EFCAB8: variants seen among roughly 807,000 people sequenced by gnomAD.
EFCAB8 encodes the protein EF-hand calcium binding domain 8.
EFCAB8 carries 100 observed loss-of-function variants against 116.3 expected under a neutral mutation model. The ratio of observed to expected loss-of-function variants is 0.86; its 90% CI spans 0.73 to 1.02. The LOEUF is 1.02. Ranked by LOEUF, EFCAB8 falls within the 50% of genes least tolerant of loss-of-function variation. The pLI, the probability that EFCAB8 is intolerant of heterozygous loss-of-function variation, is 0.00. For synonymous variants in EFCAB8, 558 were observed against 567.9 expected (o/e 0.98, Z 0.25); for missense variants, 1,320 against 1,416.9 (o/e 0.93, Z 1.10).
In EFCAB8 at chr20:32,861,127, A is replaced by C. The variant is rs1984093256; in HGVS notation, c.-11+2121A>C. On this transcript the variant is annotated intron_variant, in intron 1 of 26. Coordinates refer to ENST00000400522, the MANE Select transcript of EFCAB8 (RefSeq NM_001143967.2). ...CCTTCTGATGTTTGGGTGACGTCCT[A>C]GGTGCAGATGCACTGATTTGTTCAT... Among the ~76,000 whole-genome samples the C allele has an allele frequency of 3.3e-5, 5 of 152,268 alleles. No homozygotes were observed. The South Asian group carries it at 1.0e-3, about 32-fold the overall frequency.
chr20:32,925,153 C>CTG (rs1987622257), intron 20 of EFCAB8, among the ~76,000 whole-genome samples: 1 of 152,156 alleles, frequency 6.6e-6, no homozygotes, highest in Non-Finnish European at 1.5e-5. Context: ...AGAAAGAGCA[C>CTG]TAGGAAGGAG....
At chr20:32,908,888 G>A (rs1370648927) in intron 14 of EFCAB8, among the ~76,000 whole-genome samples, 1 of 152,202 alleles carries the variant, frequency 6.6e-6, no homozygotes, top group Non-Finnish European at 1.5e-5. Context: ...CAGATAGGAA[G>A]GCCATCTGTG....
chr20:32,862,379 C>T lies in EFCAB8; in HGVS notation c.-10-1404C>T, dbSNP rs111962057. 3.0e-4 allele frequency among the ~76,000 whole-genome samples: 46 copies of T among 152,034 alleles called. 1 individual carries two copies. The highest frequency in any genetic ancestry group is 3.4e-3 in the Middle Eastern group (1 of 292). On this transcript the variant is annotated intron_variant, in intron 1 of 26. Transcript: ENST00000400522. ...CTGGATGCAAGCGATCCTCCCGCCT[C>T]GGCCTATTTTTTATTCCTAATTGGA...
chr20:32,924,273 A>G (rs1056729032), intron 20 of EFCAB8, among the ~76,000 whole-genome samples: 1 of 152,188 alleles, frequency 6.6e-6, no homozygotes, highest in African/African-American at 2.4e-5. Context: ...TATGTTGCCC[A>G]GGCTAGTCTT....
chr20:32,902,653 A>G (rs890728457), intron 11 of EFCAB8, among the ~76,000 whole-genome samples: 3 of 152,192 alleles, frequency 2.0e-5, no homozygotes, highest in African/African-American at 7.2e-5. Flanking sequence ...AGTGCAATGT[A>G]CAGGCCGGCA....
At chr20:32,949,985 G>A (rs1181405449) in intron 23 of EFCAB8, among the ~76,000 whole-genome samples, 1 of 141,110 alleles carries the variant, frequency 7.1e-6, no homozygotes, top group Admixed American at 7.2e-5. Context: ...GGGCAACAGA[G>A]CAAGACTCTG....
intron 22 of EFCAB8, among the ~76,000 whole-genome samples, chr20:32,935,426 C>T (rs984276728): frequency 6.6e-6 from 1 of 151,942 alleles, no homozygotes; most frequent in South Asian, 2.1e-4. Flanking sequence ...TCCCGAACTC[C>T]TGACCTCAAG....
intron 15 of EFCAB8, 127 bp from the exon 16 acceptor site, chr20:32,911,353 T>C (rs1986908252): frequency 1.3e-6 from 1 of 778,504 alleles, no homozygotes; most frequent in Non-Finnish European, 1.9e-6. Flanking sequence ...GCTTATGCTG[T>C]AGCAGGGGGC....
intron 20 of EFCAB8, among the ~76,000 whole-genome samples, chr20:32,928,636 T>C (rs1423609808): frequency 6.6e-6 from 1 of 152,234 alleles, no homozygotes; most frequent in Non-Finnish European, 1.5e-5. Context: ...GTTTTCTACA[T>C]ATAAGATAAT....
chr20:32,899,034 T>C (rs1223280925), intron 11 of EFCAB8, among the ~76,000 whole-genome samples: 1 of 152,220 alleles, frequency 6.6e-6, no homozygotes, highest in East Asian at 1.9e-4. Flanking sequence ...GGTTCCAATC[T>C]GTTTCCTTCA....
At chr20:32,905,992 A>C (rs545879000) in intron 11 of EFCAB8, among the ~76,000 whole-genome samples, 1 of 152,072 alleles carries the variant, frequency 6.6e-6, no homozygotes, top group East Asian at 1.9e-4. Flanking sequence ...AAGCTCCTTG[A>C]CTTTTCCTTT....
Position 32,874,164 on chromosome 20 carries a change from G to GA in EFCAB8, c.209-1762_209-1761insA, listed in dbSNP as rs1171723423. ...TCAAACTCCTGGGCTCAAGCCTTCTGCCCACCTCAGCCTCCCAAAGTACTG... is the reference window on the plus strand; with the variant it reads ...TCAAACTCCTGGGCTCAAGCCTTCTGACCCACCTCAGCCTCCCAAAGTACTG... On this transcript the variant is annotated intron_variant, in intron 3 of 26. Coordinates refer to ENST00000400522, the MANE Select transcript of EFCAB8 (RefSeq NM_001143967.2). Among the ~76,000 whole-genome samples the GA allele has an allele frequency of 2.4e-3, 370 of 151,426 alleles. 2 individuals carry two copies. The highest frequency in any genetic ancestry group is 8.6e-3 in the African/African-American group (355 of 41,080).
intron 20 of EFCAB8, among the ~76,000 whole-genome samples, chr20:32,921,387 GTGTGTT>G (rs1428021342): frequency 1.4e-5 from 2 of 146,956 alleles, no homozygotes; most frequent in African/African-American, 4.9e-5. Flanking sequence ...GTGTGTGTGT[GTGTGTT>G]TTTGTAGAGA....
intron 18 of EFCAB8, among the ~76,000 whole-genome samples, chr20:32,918,094 A>T (rs1431407199): frequency 6.6e-6 from 1 of 152,198 alleles, no homozygotes; most frequent in Non-Finnish European, 1.5e-5. Context: ...TAGCCTCAAA[A>T]ATATTTGGAA....
chr20:32,902,746 T>C (rs878988717), intron 11 of EFCAB8, among the ~76,000 whole-genome samples: 1 of 152,198 alleles, frequency 6.6e-6, no homozygotes, highest in African/African-American at 2.4e-5. Context: ...GGCCTGGCAT[T>C]GGCACCCCAA....
intron 11 of EFCAB8, among the ~76,000 whole-genome samples, chr20:32,901,774 A>G (rs922251386): frequency 2.6e-5 from 4 of 151,956 alleles, no homozygotes; most frequent in African/African-American, 2.4e-5. Flanking sequence ...TGCAACCTCC[A>G]CCTCCCGGGT....
At chr20:32,878,651 G>A (rs958006361) in intron 4 of EFCAB8, 53 bp from the exon 5 acceptor site, 2 of 1,432,780 alleles carry the variant, frequency 1.4e-6, no homozygotes, top group African/African-American at 2.8e-5. Context: ...GAAACTGAAG[G>A]CTGAGACCAT....
intron 20 of EFCAB8, among the ~76,000 whole-genome samples, chr20:32,928,916 A>G (rs566130182): frequency 6.6e-6 from 1 of 151,024 alleles, no homozygotes; most frequent in African/African-American, 2.4e-5. Flanking sequence ...AATTTTGTCA[A>G]ATCGTTTTCT....
intron 3 of EFCAB8, among the ~76,000 whole-genome samples, chr20:32,870,519 G>A (rs1032198750): frequency 6.6e-6 from 1 of 151,872 alleles, no homozygotes; most frequent in Admixed American, 6.6e-5. Context: ...TTTTTTTAGG[G>A]ACAGGGTCTC....
Sources: allele counts gnomAD v4.1 joint callset (sites outside exome capture counted in the v4.1 genomes callset), GRCh38; gene constraint gnomAD v4.1.1; transcripts MANE v1.5; gene names NCBI Gene and HGNC (gene_info 2026-07-23, HGNC 2026-07-21).